Variants in CDH22 observed in about 807,000 individuals in gnomAD.
CDH22 encodes the protein cadherin-22.
A neutral mutation model predicts 58.4 loss-of-function variants in CDH22; 30 were observed. The observed-to-expected ratio is 0.51, with a 90% confidence interval of 0.38 to 0.70. CDH22 has a LOEUF of 0.70. Ranked by LOEUF, CDH22 falls within the 30% of genes least tolerant of loss-of-function variation. The pLI is 0.00. For missense variants in CDH22, 1,014 were observed against 1,233.9 expected (o/e 0.82, Z 2.67); for synonymous variants, 513 against 558.2 (o/e 0.92, Z 1.14).
intron 1 of CDH22, among the ~76,000 whole-genome samples, chr20:46,266,655 G>T (rs967531124): frequency 3.3e-5 from 5 of 152,234 alleles, no homozygotes; most frequent in African/African-American, 1.2e-4. Flanking sequence ...ACGGGAGAAA[G>T]CTCTCTAGGC....
intron 8 of CDH22, among the ~76,000 whole-genome samples, chr20:46,193,937 T>C (rs2085879452): frequency 6.6e-6 from 1 of 152,110 alleles, no homozygotes; most frequent in Non-Finnish European, 1.5e-5. Flanking sequence ...GAGGATTGCT[T>C]GAGCCCAGGA....
intron 3 of CDH22, among the ~76,000 whole-genome samples, chr20:46,229,299 C>T (rs112104557): frequency 1.4e-5 from 2 of 147,052 alleles, no homozygotes; most frequent in African/African-American, 2.5e-5. Context: ...GCCCCCCCCC[C>T]CAATTTTACA....
chr20:46,297,069 C>A (rs561498750), intron 1 of CDH22, among the ~76,000 whole-genome samples: 1 of 152,088 alleles, frequency 6.6e-6, no homozygotes, highest in Non-Finnish European at 1.5e-5. Flanking sequence ...GATGCAGAGA[C>A]CTGGGAGTGA....
At chr20:46,238,317 G>A (rs1449304153) in intron 3 of CDH22, among the ~76,000 whole-genome samples, 3 of 152,198 alleles carry the variant, frequency 2.0e-5, no homozygotes, top group Non-Finnish European at 2.9e-5. Context: ...AGAAAGTCAG[G>A]GACTTGCTGT....
chr20:46,278,731 G>A (rs560249333), intron 1 of CDH22, among the ~76,000 whole-genome samples: 12 of 152,198 alleles, frequency 7.9e-5, no homozygotes, highest in African/African-American at 2.4e-4. Context: ...CTACAAGTGC[G>A]TGCCACCACA....
At chr20:46,220,870 G>C (rs2086119149) in intron 4 of CDH22, 1 of 152,556 alleles carries the variant, frequency 6.6e-6, no homozygotes, top group African/African-American at 2.4e-5. Context: ...GAACAGGGTA[G>C]GTTGCTATGG....
At chr20:46,195,923 T>C (rs2085897820) in intron 8 of CDH22, among the ~76,000 whole-genome samples, 1 of 152,132 alleles carries the variant, frequency 6.6e-6, no homozygotes, top group Non-Finnish European at 1.5e-5. Flanking sequence ...CCGCTGTGTA[T>C]AAATATTTCC....
In CDH22 at chr20:46,300,201, G is replaced by A. The variant is rs1292797929; in HGVS notation, c.-400+8054C>T. On this transcript the variant is annotated intron_variant, in intron 1 of 11. Coordinates refer to ENST00000537909, the MANE Select transcript of CDH22 (RefSeq NM_021248.3). The surrounding 1 kb of genome is among the most constrained non-coding windows in gnomAD (Gnocchi z 4.4). ...GCCACTTGGATCCTAGAAGACGCAG[G>A]CCTTGGCAACCTCCTGGCCTGGGGG... 6.6e-6 allele frequency among the ~76,000 whole-genome samples: 1 copy of A among 152,052 alleles called. No homozygotes were observed. Among genetic ancestry groups the A allele is most frequent in the South Asian group, 2.1e-4 (1 of 4,828 alleles).
rs563907527 is a variant in CDH22 at position 46,260,985 on chromosome 20, C to G, written c.-399-9292G>C. 2.0e-5 allele frequency among the ~76,000 whole-genome samples: 3 copies of G among 152,276 alleles called. No homozygotes were observed. The South Asian group carries it at 6.2e-4, about 32-fold the overall frequency. On this transcript the variant is annotated intron_variant, in intron 1 of 11. Coordinates refer to ENST00000537909, the MANE Select transcript of CDH22 (RefSeq NM_021248.3). ...CCTGGGGCTTCTGCACCCCTGCCTC[C>G]TCCCCCAAATTCCTGATAATCCTTT...
intron 1 of CDH22, among the ~76,000 whole-genome samples, chr20:46,263,006 C>A (rs1330846271): frequency 6.6e-6 from 1 of 152,216 alleles, no homozygotes; most frequent in Non-Finnish European, 1.5e-5. Flanking sequence ...GGTCTCTCAG[C>A]CTCCTCCCCT....
chr20:46,280,315 G>A (rs2086544479), intron 1 of CDH22, among the ~76,000 whole-genome samples: 1 of 152,212 alleles, frequency 6.6e-6, no homozygotes, highest in African/African-American at 2.4e-5. Context: ...AGCTACTCGG[G>A]AGGCTGAGGC....
chr20:46,197,588 A>C (rs1296995956), intron 8 of CDH22, among the ~76,000 whole-genome samples: 2 of 151,946 alleles, frequency 1.3e-5, no homozygotes, highest in Admixed American at 1.3e-4. Context: ...GTCCTCCCTC[A>C]CTCCATCTAC....
At chr20:46,233,218 G>A (rs573803162) in intron 3 of CDH22, among the ~76,000 whole-genome samples, 2 of 152,246 alleles carry the variant, frequency 1.3e-5, no homozygotes, top group Non-Finnish European at 2.9e-5. Flanking sequence ...TTCCTCCAGA[G>A]TCTCCAGGGA....
chr20:46,249,982 T>C (rs1212854126), intron 2 of CDH22, among the ~76,000 whole-genome samples: 5 of 152,302 alleles, frequency 3.3e-5, no homozygotes, highest in Non-Finnish European at 5.9e-5. Flanking sequence ...TGCTGACTCA[T>C]GAAGCTTTTC....
At chr20:46,238,147 C>G (rs6094266) in intron 3 of CDH22, among the ~76,000 whole-genome samples, 1 of 152,224 alleles carries the variant, frequency 6.6e-6, no homozygotes, top group Non-Finnish European at 1.5e-5. Flanking sequence ...CCCAGGCTAC[C>G]TGCTTTCCTC....
rs539415455 is a variant in CDH22 at position 46,304,241 on chromosome 20, G to A, written c.-400+4014C>T. On this transcript the variant is annotated intron_variant, in intron 1 of 11. Transcript: ENST00000537909. Reference sequence around the variant, plus strand: ...GATCATGTGCAAAACCAAACAAGGAGGAACTGCTGCATTTACCCCATGGGA... The same window carrying A: ...GATCATGTGCAAAACCAAACAAGGAAGAACTGCTGCATTTACCCCATGGGA... Among the ~76,000 whole-genome samples, 3 of 152,288 alleles carry A rather than the reference G, an allele frequency of 2.0e-5. No individual in the cohort carries two copies. The South Asian group carries it at 6.2e-4, about 32-fold the overall frequency.
chr20:46,308,074 G>T lies in CDH22; in HGVS notation c.-400+181C>A, dbSNP rs1330930877. 1.3e-5 allele frequency among the ~76,000 whole-genome samples: 2 copies of T among 151,480 alleles called. No homozygotes were observed. The highest frequency in any genetic ancestry group is 2.0e-4 in the East Asian group (1 of 5,128). ...TGGGAAACTCCCTCCCCGCCCTCCC[G>T]GCCGAGAGGAGGGGGCGCGCAGGGC... On this transcript the variant is annotated intron_variant, in intron 1 of 11. Transcript: ENST00000537909. The surrounding 1 kb of genome is among the most constrained non-coding windows in gnomAD (Gnocchi z 4.3).
At chr20:46,252,742 C>T (rs1245443626) in intron 1 of CDH22, among the ~76,000 whole-genome samples, 2 of 152,354 alleles carry the variant, frequency 1.3e-5, no homozygotes, top group South Asian at 4.1e-4. Context: ...GGTAAATAAG[C>T]TCACAGTTTA....
chr20:46,206,424 T>C (rs569622805), intron 7 of CDH22, among the ~76,000 whole-genome samples: 4 of 152,248 alleles, frequency 2.6e-5, no homozygotes, highest in Non-Finnish European at 5.9e-5. Flanking sequence ...AAAATCTCTC[T>C]GTACTGTCTG....
Sources: allele counts gnomAD v4.1 joint callset (sites outside exome capture counted in the v4.1 genomes callset), GRCh38; gene constraint gnomAD v4.1.1; non-coding constraint Gnocchi (gnomAD v3.1); transcripts MANE v1.5; gene names NCBI Gene and HGNC (gene_info 2026-07-23, HGNC 2026-07-21).